Variants in RFX4 observed in about 807,000 individuals in gnomAD.
RFX4 encodes the protein regulatory factor X4, also known as transcription factor RFX4.
In RFX4, 10 loss-of-function variants were observed where a neutral mutation model predicts 95.0. The observed-to-expected ratio is 0.11, with a 90% CI of 0.06 to 0.18. The LOEUF (loss-of-function observed/expected upper bound fraction) is 0.18, where lower values mean the gene tolerates loss of function less well. Among genes scored for constraint, RFX4 ranks in the 10% least tolerant of loss-of-function variants. The pLI, the probability that RFX4 is intolerant of heterozygous loss-of-function variation, is 1.00. For missense variants in RFX4, 640 were observed against 922.0 expected (o/e 0.69, Z 3.96); for synonymous variants, 321 against 340.7 (o/e 0.94, Z 0.64).
chr12:106,590,376 A>G (rs1056368951), intron 1 of RFX4, among the ~76,000 whole-genome samples: 2 of 152,272 alleles, frequency 1.3e-5, no homozygotes, highest in Non-Finnish European at 2.9e-5. Context: ...CAATCCTATT[A>G]AGAAGAAACT....
At chr12:106,721,004 G>T (rs1056623633) in intron 13 of RFX4, 128 bp downstream of exon 13, 2 of 755,740 alleles carry the variant, frequency 2.6e-6, no homozygotes, top group Non-Finnish European at 4.5e-6. Context: ...CTCTTCTGGG[G>T]AGACATGACA....
intron 4 of RFX4, among the ~76,000 whole-genome samples, chr12:106,680,398 CCT>C (rs776569191): frequency 2.0e-5 from 3 of 152,174 alleles, no homozygotes; most frequent in Non-Finnish European, 2.9e-5. Flanking sequence ...CTACACAACC[CCT>C]TAGTCCTCAA....
chr12:106,620,770 GGCATATCTCA>G (rs2040168530), intron 2 of RFX4, among the ~76,000 whole-genome samples: 1 of 151,898 alleles, frequency 6.6e-6, no homozygotes, highest in South Asian at 2.1e-4. Context: ...AGGAGACCAG[GGCATATCTCA>G]GTCCTTATCT....
In RFX4 at chr12:106,586,537, G is replaced by A. The variant is rs1278779637; in HGVS notation, c.43+3174G>A. Among the ~76,000 whole-genome samples, 1 of 151,340 alleles carries A rather than the reference G, an allele frequency of 6.6e-6. No individual in the cohort carries two copies. The highest frequency in any genetic ancestry group is 1.5e-5 in the Non-Finnish European group (1 of 67,958). On this transcript the variant is annotated intron_variant, in intron 1 of 17. Coordinates refer to ENST00000392842, the MANE Select transcript of RFX4 (RefSeq NM_213594.3). The surrounding 1 kb of genome is among the most constrained non-coding windows in gnomAD (Gnocchi z 5.6). ...AGGATCATTTCTTTTAAAACGGGATGGCGCGTTAGAGAGGGCCACTGCCAA... is the reference window on the plus strand; with the variant it reads ...AGGATCATTTCTTTTAAAACGGGATAGCGCGTTAGAGAGGGCCACTGCCAA...
rs989915134 is a variant in RFX4 at position 106,609,738 on chromosome 12, T to TG, written c.130+859dup. The stretch of plus-strand genomic sequence containing the variant: ...TACAAATCTTGTGTAATTAGTTTGA[T>TG]GGGGTTTTTTTTTTCTTTACATATT... On this transcript the variant is annotated intron_variant, in intron 2 of 17. Coordinates refer to ENST00000392842, the MANE Select transcript of RFX4 (RefSeq NM_213594.3). Among the ~76,000 whole-genome samples, 3 of 149,558 alleles carry TG rather than the reference T, an allele frequency of 2.0e-5. No individual in the cohort carries two copies. In the East Asian group the frequency reaches 5.8e-4, roughly 29 times the overall value.
At chr12:106,618,497 A>G (rs917040877) in intron 2 of RFX4, among the ~76,000 whole-genome samples, 2 of 151,802 alleles carry the variant, frequency 1.3e-5, no homozygotes, top group African/African-American at 4.8e-5. Context: ...ATTATTGTTA[A>G]ATATTTCTAC....
At chr12:106,700,812 T>G (rs187255048) in intron 8 of RFX4, among the ~76,000 whole-genome samples, 1 of 152,390 alleles carries the variant, frequency 6.6e-6, no homozygotes, top group African/African-American at 2.4e-5. Flanking sequence ...TCCTCCCATT[T>G]TTATGCTATT....
chr12:106,718,564 A>C (rs1306618969), intron 11 of RFX4, among the ~76,000 whole-genome samples: 1 of 152,234 alleles, frequency 6.6e-6, no homozygotes, highest in Non-Finnish European at 1.5e-5. Context: ...TTCTAGTGTT[A>C]TGACCCTCTG....
rs752272678 is a variant in RFX4 at position 106,732,955 on chromosome 12, G to T, written c.1503G>T (p.Glu501Asp). ...TCCGAGAAGAGATCATCTTGACAGA[G>T]GCTGCCGCACCAACCCCTTCACCAG... ...AEVREEIILT[E>D]AAAPTPSPVP... The change falls in exon 15 of 18, where the codon GAG becomes GAT. Residue 501 changes from glutamate to aspartate, a missense_variant. Transcript: ENST00000392842. The T allele has an allele frequency of 6.2e-7, 1 of 1,614,074 alleles. No individual in the cohort carries two copies. Among genetic ancestry groups the T allele is most frequent in the Non-Finnish European group, 8.5e-7 (1 of 1,179,998 alleles).
At chr12:106,597,390 G>A (rs2039636865) in intron 1 of RFX4, among the ~76,000 whole-genome samples, 1 of 152,110 alleles carries the variant, frequency 6.6e-6, no homozygotes, top group African/African-American at 2.4e-5. Context: ...TAATTGTATT[G>A]GGAGATCCAA....
chr12:106,686,457 C>A (rs4964186), intron 5 of RFX4, among the ~76,000 whole-genome samples: 2 of 150,820 alleles, frequency 1.3e-5, no homozygotes, highest in Admixed American at 6.6e-5. Context: ...AAGGAAAACA[C>A]AGGCCAAATG....
At chr12:106,670,133 T>A (rs2041254122) in intron 4 of RFX4, among the ~76,000 whole-genome samples, 1 of 152,204 alleles carries the variant, frequency 6.6e-6, no homozygotes, top group Admixed American at 6.5e-5. Flanking sequence ...TTCAGTTTAT[T>A]ATAGCAATAT....
Position 106,696,343 on chromosome 12 carries a change from G to T in RFX4, c.730G>T (p.Gly244Cys), listed in dbSNP as rs543532895. Reference sequence around the variant, plus strand: ...GCCGCCCCACATGCTGCCTGTGCTGGGCTCCTCCACGGTGGTGAACATTGT... The same window carrying T: ...GCCGCCCCACATGCTGCCTGTGCTGTGCTCCTCCACGGTGGTGAACATTGT... Reference protein sequence around the residue: ...GMPPHMLPVLGSSTVVNIVGV... With the variant: ...GMPPHMLPVLCSSTVVNIVGV... Residue 244 changes from glycine to cysteine, a missense_variant, in exon 8 of 18, where the codon GGC (glycine) becomes TGC (cysteine). Transcript: ENST00000392842. 1 of 1,614,138 alleles carries T rather than the reference G, an allele frequency of 6.2e-7. No homozygotes were observed. Among genetic ancestry groups the T allele is most frequent in the South Asian group, 1.1e-5 (1 of 91,064 alleles).
chr12:106,608,995 C>T, intron 2 of RFX4, 112 bp downstream of exon 2: 2 of 827,620 alleles, frequency 2.4e-6, no homozygotes, highest in Non-Finnish European at 3.9e-6. Context: ...GAACAAGACA[C>T]TCTCTAGCTA....
intron 1 of RFX4, among the ~76,000 whole-genome samples, chr12:106,593,909 C>A (rs2039580262): frequency 6.6e-6 from 1 of 152,142 alleles, no homozygotes; most frequent in Admixed American, 6.6e-5. Context: ...TAAACTCAAA[C>A]CTATTTATGG....
chr12:106,653,036 G>T (rs1229941962), intron 3 of RFX4, among the ~76,000 whole-genome samples: 1 of 152,134 alleles, frequency 6.6e-6, no homozygotes, highest in Non-Finnish European at 1.5e-5. Flanking sequence ...ATGATCAAAG[G>T]AGAAATGTTT....
chr12:106,687,536 C>T lies in RFX4; in HGVS notation c.591+439C>T, dbSNP rs533853960. On this transcript the variant is annotated intron_variant, in intron 6 of 17. Transcript: ENST00000392842. ...TGCACTGCAGCCTGGGCAACAAGAG[C>T]GAAACTCCATCTCAAAAAAAAAAAA... Among the ~76,000 whole-genome samples, 6 of 138,902 alleles carry T rather than the reference C, an allele frequency of 4.3e-5. No individual in the cohort carries two copies. The South Asian group carries it at 9.0e-4, about 21-fold the overall frequency. 91.1% of individuals were successfully genotyped at this position (138,902 alleles called of 152,430 possible).
Position 106,654,171 on chromosome 12 carries a change from C to T in RFX4, c.192-57C>T, listed in dbSNP as rs574594290. ...CTCTGGAGGACTAGAAAGAACAGAC[C>T]GTTCTTGCTTGGGGAAGGTAACACA... On this transcript the variant is annotated intron_variant, in intron 3 of 17. Coordinates refer to ENST00000392842, the MANE Select transcript of RFX4 (RefSeq NM_213594.3). 86 of 1,607,188 alleles carry T rather than the reference C, an allele frequency of 5.4e-5. No individual in the cohort carries two copies. In the African/African-American group the frequency reaches 8.3e-4, roughly 15 times the overall value.
At chr12:106,587,614 C>T (rs966234409) in intron 1 of RFX4, among the ~76,000 whole-genome samples, 1 of 152,238 alleles carries the variant, frequency 6.6e-6, no homozygotes, top group South Asian at 2.1e-4. Context: ...CCCTCCTCTC[C>T]GGGTTCTCTT....
Sources: gnomAD v4.1 joint callset for allele counts (sites outside exome capture counted in the v4.1 genomes callset) on GRCh38, gnomAD v4.1.1 for gene constraint, Gnocchi (gnomAD v3.1) non-coding constraint, MANE v1.5 for transcripts, NCBI Gene and HGNC (gene_info 2026-07-23, HGNC 2026-07-21) for gene names.